Variants in TRPM5 observed in about 807,000 individuals in gnomAD.
The protein encoded by TRPM5 is transient receptor potential cation channel subfamily M member 5.
Under a neutral mutation model 124.9 loss-of-function variants are expected in TRPM5, and 121 were observed. The observed-to-expected ratio is 0.97, with a 90% CI of 0.84 to 1.13. TRPM5 has a LOEUF of 1.13. TRPM5 is among the 50% of genes most tolerant of loss of function. TRPM5 has a pLI of 0.00. For synonymous variants in TRPM5, 781 were observed against 700.5 expected (o/e 1.11, Z -1.81); for missense variants, 1,643 against 1,589.1 (o/e 1.03, Z -0.58).
exon 11 of TRPM5, chr11:2,414,809 G>A (rs780089603): frequency 3.4e-5 from 54 of 1,583,718 alleles, no homozygotes; most frequent in East Asian, 7.0e-5. Context: ...TTTTGCAGGC[G>A]GCCAGTGCGG....
At chr11:2,405,689 C>T (rs546545869) in intron 22 of TRPM5, 96 bp from the exon 28 acceptor site, 56 of 1,356,826 alleles carry the variant, frequency 4.1e-5, no homozygotes, top group African/African-American at 8.7e-5. Flanking sequence ...CCAGGGCCCC[C>T]GCTGCCCTGT....
upstream of TRPM5, among the ~76,000 whole-genome samples, chr11:2,425,251 C>T (rs534892093): frequency 1.2e-3 from 178 of 152,288 alleles, no homozygotes; most frequent in Non-Finnish European, 1.9e-3. Flanking sequence ...AGAGCCCAGA[C>T]GTCCCAAATC....
rs372190998 is a variant in TRPM5, at chr11:2,423,026, A to G, written c.11T>C (p.Val4Ala). ...GGGGCTTCCGGGACGGGGGCCTTGG[A>G]CATCCTGCATGGTGGCCTCTAGAGC... Residue 4 changes from valine to alanine, a missense_variant, in exon 1 of 24, where the codon GTC (valine) becomes GCC (alanine). Val to Ala is a moderately conservative substitution (Grantham distance 64). Coordinates refer to ENST00000155858, the Ensembl canonical transcript of TRPM5. 2.5e-6 allele frequency: 4 copies of G among 1,611,408 alleles called. No homozygotes were observed. The African/African-American group carries it at 4.0e-5, about 16-fold the overall frequency.
At chr11:2,404,890 G>A in exon 24 of TRPM5, 2 of 1,524,530 alleles carry the variant, frequency 1.3e-6, no homozygotes, top group Non-Finnish European at 1.8e-6. Context: ...AACGTGCAGG[G>A]TGGCCAGCTG....
At chr11:2,425,460 G>C (rs1166103623), upstream of TRPM5, among the ~76,000 whole-genome samples, 1 of 152,184 alleles carries the variant, frequency 6.6e-6, no homozygotes. Context: ...CCCCAGCGTG[G>C]CTTCATCTTC....
In TRPM5 at chr11:2,421,015, G is replaced by A; in HGVS notation, c.465+17C>T. ...CCAGGCCCCCAGCGGTCGTGGTGCT[G>A]GGAGCTGGACGTGCACCTGGGCCTC... On this transcript the variant is annotated intron_variant, in intron 3 of 23. Transcript: ENST00000155858. The A allele has an allele frequency of 6.5e-7, 1 of 1,530,328 alleles. No homozygotes were observed. Among genetic ancestry groups the A allele is most frequent in the Non-Finnish European group, 8.8e-7 (1 of 1,142,032 alleles). The allele number at this position is 1,530,328 out of a possible 1,614,324, so 94.8% of individuals were successfully genotyped here.
exon 24 of TRPM5, chr11:2,404,872 C>CA: frequency 6.4e-6 from 9 of 1,403,836 alleles, no homozygotes; most frequent in East Asian, 2.3e-5. Context: ...CGGCAAAGGT[C>CA]AGTGCACAAC....
At chr11:2,424,573 C>T (rs1291479876), upstream of TRPM5, among the ~76,000 whole-genome samples, 3 of 152,216 alleles carry the variant, frequency 2.0e-5, no homozygotes, top group East Asian at 1.9e-4. Context: ...TAGAGACAGA[C>T]GCGCAGGGAA....
chr11:2,438,011 C>A, the TRPM5 span, among the ~76,000 whole-genome samples: 1 of 152,164 alleles, frequency 6.6e-6, no homozygotes, highest in Non-Finnish European at 1.5e-5. This position sits in a 1 kb window ranked among gnomAD's most constrained non-coding sequence, Gnocchi z 5.9. Context: ...AGACTTCATT[C>A]CTGGGATGCA....
chr11:2,415,516 G>A (rs1845652957), intron 8 of TRPM5, 45 bp from the exon 14 acceptor site: 2 of 1,328,714 alleles, frequency 1.5e-6, no homozygotes, highest in East Asian at 2.5e-5. Flanking sequence ...AAGAGAGTGA[G>A]CGAGAGACAG....
the TRPM5 span, among the ~76,000 whole-genome samples, chr11:2,432,825 G>A: frequency 3.9e-5 from 6 of 152,252 alleles, no homozygotes; most frequent in African/African-American, 7.2e-5. Flanking sequence ...AGGTGGGAGG[G>A]AAGCAGCCCG....
the TRPM5 span, among the ~76,000 whole-genome samples, chr11:2,443,823 ACC>A: frequency 2.0e-5 from 2 of 99,306 alleles, no homozygotes; most frequent in Non-Finnish European, 4.5e-5. This position sits in a 1 kb window ranked among gnomAD's most constrained non-coding sequence, Gnocchi z 5.0. Context: ...GCTGCCCCCC[ACC>A]CCCCCCCCAA....
rs1436188710 is a variant in TRPM5 at position 2,420,096 on chromosome 11, CG to C, written c.649+125del. On this transcript the variant is annotated intron_variant, in intron 4 of 23. Coordinates refer to ENST00000155858, the Ensembl canonical transcript of TRPM5. ...GCCCAGGTCTCGGTGCTCAGGCATG[CG>C]GGGTGCGTTCTGCCTGGGAAGCCCT... 6.0e-5 allele frequency: 65 copies of C among 1,085,476 alleles called. No homozygotes were observed. The East Asian group carries it at 1.6e-3, about 27-fold the overall frequency. The allele number at this position is 1,085,476 out of a possible 1,614,324, so 67.2% of individuals were successfully genotyped here. A position where few individuals can be genotyped will look rare whatever the true frequency, so the allele number is the denominator to read the frequency against.
At chr11:2,417,461 C>A (rs959924489) in intron 7 of TRPM5, among the ~76,000 whole-genome samples, 1 of 152,140 alleles carries the variant, frequency 6.6e-6, no homozygotes, top group African/African-American at 2.4e-5. Context: ...TCTCAAAAAA[C>A]CGAAAACCAA....
intron 7 of TRPM5, 28 bp from the exon 13 acceptor site, chr11:2,416,052 G>A: frequency 6.4e-7 from 1 of 1,560,064 alleles, no homozygotes; most frequent in Non-Finnish European, 8.8e-7. Context: ...AGGCACTGGT[G>A]AGGGTGGAGC....
chr11:2,432,407 G>A, the TRPM5 span, among the ~76,000 whole-genome samples: 2 of 152,220 alleles, frequency 1.3e-5, no homozygotes, highest in Non-Finnish European at 2.9e-5. Context: ...TCTATCCCTG[G>A]GACAGCAGAT....
chr11:2,415,291 C>T, exon 9 of TRPM5: 1 of 1,578,016 alleles, frequency 6.3e-7, no homozygotes, highest in Admixed American at 1.8e-5. Context: ...CGGGCCTCCT[C>T]CTGCTTCCGC....
intron 18 of TRPM5, among the ~76,000 whole-genome samples, chr11:2,408,422 C>T (rs566328103): frequency 6.4e-4 from 98 of 152,334 alleles, no homozygotes; most frequent in African/African-American, 2.2e-3. Context: ...CCCAAGCTGG[C>T]AAGTAATTCC....
At chr11:2,431,074 A>G in the TRPM5 span, among the ~76,000 whole-genome samples, 1 of 152,112 alleles carries the variant, frequency 6.6e-6, no homozygotes, top group Non-Finnish European at 1.5e-5. Context: ...CTCCCAAAGT[A>G]GGCACCTATG....
Sources: allele counts gnomAD v4.1 joint callset (sites outside exome capture counted in the v4.1 genomes callset), GRCh38; gene constraint gnomAD v4.1.1; non-coding constraint Gnocchi (gnomAD v3.1); transcripts MANE v1.5; gene names NCBI Gene and HGNC (gene_info 2026-07-23, HGNC 2026-07-21).